The following HRH1 variants were observed in gnomAD, a reference collection of about 807,000 sequenced individuals.
HRH1 encodes histamine H1 receptor.
HRH1 carries 6 observed loss-of-function variants against 10.3 expected under a neutral mutation model. The ratio of observed to expected loss-of-function variants is 0.58; its 90% CI spans 0.32 to 1.15. HRH1 has a LOEUF of 1.15. HRH1 is among the 50% of genes most tolerant of loss of function. The pLI, the probability that HRH1 is intolerant of heterozygous loss-of-function variation, is 0.05. For missense variants in HRH1, 514 were observed against 615.3 expected (o/e 0.84, Z 1.74); for synonymous variants, 242 against 236.7 (o/e 1.02, Z -0.21).
At chr3:11,184,553 A>C (rs904522439) in intron 1 of HRH1, among the ~76,000 whole-genome samples, 4 of 152,150 alleles carry the variant, frequency 2.6e-5, no homozygotes, top group Non-Finnish European at 5.9e-5. Context: ...CATGTCAGGC[A>C]TTATCAGGAG....
At chr3:11,236,754 C>A (rs951363973) in intron 1 of HRH1, among the ~76,000 whole-genome samples, 3 of 152,134 alleles carry the variant, frequency 2.0e-5, no homozygotes, top group African/African-American at 7.2e-5. Flanking sequence ...TATATAAATA[C>A]CCTGGCCCCA....
chr3:11,153,712 C>T (rs1018524230), upstream of HRH1, among the ~76,000 whole-genome samples: 4 of 152,148 alleles, frequency 2.6e-5, no homozygotes, highest in Admixed American at 2.6e-4. Flanking sequence ...CCTCAAGCTC[C>T]CATTGCCAGG....
chr3:11,179,665 C>T (rs1185664959), intron 1 of HRH1, among the ~76,000 whole-genome samples: 3 of 151,582 alleles, frequency 2.0e-5, no homozygotes, highest in Non-Finnish European at 4.4e-5. Context: ...AGGATATCGC[C>T]CTGGAAGTTA....
At chr3:11,198,637 C>T (rs566072494) in intron 1 of HRH1, among the ~76,000 whole-genome samples, 19 of 150,308 alleles carry the variant, frequency 1.3e-4, no homozygotes, top group Non-Finnish European at 2.5e-4. Context: ...TTTGGGAGAC[C>T]AAGGCAGGAG....
intron 1 of HRH1, among the ~76,000 whole-genome samples, chr3:11,196,808 T>C (rs1937668313): frequency 6.6e-6 from 1 of 151,920 alleles, no homozygotes; most frequent in Non-Finnish European, 1.5e-5. Flanking sequence ...CCTGGCAGCT[T>C]GTTAAAAATG....
chr3:11,163,840 C>G (rs1347732220), intron 1 of HRH1, among the ~76,000 whole-genome samples: 1 of 152,160 alleles, frequency 6.6e-6, no homozygotes, highest in Non-Finnish European at 1.5e-5. Flanking sequence ...TCCAGGAAGT[C>G]TTCCCTGAAT....
At chr3:11,224,054 A>G (rs1938800180) in intron 1 of HRH1, among the ~76,000 whole-genome samples, 1 of 152,134 alleles carries the variant, frequency 6.6e-6, no homozygotes, top group Non-Finnish European at 1.5e-5. Flanking sequence ...GATTGAGGCC[A>G]TCTCTCCTGT....
rs545557169 is a variant in HRH1, at chr3:11,246,597, T to A, written c.-35-12406T>A. Reference sequence around the variant, plus strand: ...TGACGAGAACTATCCATTCAAGCTATTTTTTTATTCATTTCACAGTACATT... The same window carrying A: ...TGACGAGAACTATCCATTCAAGCTAATTTTTTATTCATTTCACAGTACATT... On this transcript the variant is annotated intron_variant, in intron 1 of 1. Coordinates refer to ENST00000431010, the MANE Select transcript of HRH1 (RefSeq NM_001098212.2). Among the ~76,000 whole-genome samples, 3 of 152,256 alleles carry A rather than the reference T, an allele frequency of 2.0e-5. No homozygotes were observed. In the East Asian group the frequency reaches 5.8e-4, roughly 30 times the overall value.
chr3:11,259,765 A>G lies in HRH1; in HGVS notation c.728A>G (p.Asn243Ser). The G allele has an allele frequency of 6.2e-7, 1 of 1,613,952 alleles. No individual in the cohort carries two copies. Among genetic ancestry groups the G allele is most frequent in the Non-Finnish European group, 8.5e-7 (1 of 1,180,002 alleles). ...TCAGAAATTAAGCTGAGGCCAGAGA[A>G]CCCCAAGGGGGATGCCAAGAAACCA... ...SFSEIKLRPE[N>S]PKGDAKKPGK... is the part of the protein sequence containing the mutation. The change falls in exon 2 of 2, where the codon AAC becomes AGC. Residue 243 changes from asparagine (N) to serine (S), a missense_variant. Physicochemically the swap from Asn to Ser is conservative, Grantham distance 46 (BLOSUM62 1). Coordinates refer to ENST00000431010, the MANE Select transcript of HRH1 (RefSeq NM_001098212.2). The surrounding 1 kb of genome is among the most constrained non-coding windows in gnomAD (Gnocchi z 4.6).
intron 1 of HRH1, among the ~76,000 whole-genome samples, chr3:11,213,482 A>G (rs1455120735): frequency 1.3e-5 from 2 of 152,234 alleles, no homozygotes; most frequent in Admixed American, 1.3e-4. Flanking sequence ...TATAAAGTAC[A>G]GAAACTCATT....
intron 1 of HRH1, among the ~76,000 whole-genome samples, chr3:11,183,145 A>T (rs564006244): frequency 1.4e-4 from 22 of 152,198 alleles, no homozygotes; most frequent in African/African-American, 5.1e-4. Flanking sequence ...GCCCAGTCCC[A>T]CCTTTTTAAA....
At chr3:11,171,582 A>G (rs6442233) in intron 1 of HRH1, among the ~76,000 whole-genome samples, 26,640 of 152,184 alleles carry the variant, frequency 0.18, 4,145 homozygotes, top group African/African-American at 0.42. Flanking sequence ...AGCTCCCCGC[A>G]TTACAGATTG....
Position 11,254,425 on chromosome 3 carries a change from A to G in HRH1, c.-35-4578A>G, listed in dbSNP as rs1053416744. Among the ~76,000 whole-genome samples, 3 of 152,320 alleles carry G rather than the reference A, an allele frequency of 2.0e-5. No homozygotes were observed. In the South Asian group the frequency reaches 6.2e-4, roughly 32 times the overall value. On this transcript the variant is annotated intron_variant, in intron 1 of 1. Transcript: ENST00000431010. ...GGACTCTGCACTTGCTCTGCACTCAATTGTGTGTCTTACTCACACACTTTC... is the reference window on the plus strand; with the variant it reads ...GGACTCTGCACTTGCTCTGCACTCAGTTGTGTGTCTTACTCACACACTTTC...
At chr3:11,242,686 A>C (rs1379542495) in intron 1 of HRH1, among the ~76,000 whole-genome samples, 4 of 152,114 alleles carry the variant, frequency 2.6e-5, no homozygotes, top group African/African-American at 9.7e-5. Flanking sequence ...GTCTTTGTGC[A>C]TAAATCTTTA....
At chr3:11,257,885 TC>T (rs1031985958) in intron 1 of HRH1, among the ~76,000 whole-genome samples, 19 of 152,140 alleles carry the variant, frequency 1.2e-4, no homozygotes, top group African/African-American at 4.6e-4. Flanking sequence ...CCTCAAGTGA[TC>T]ATTCCACCTT....
chr3:11,224,255 A>G (rs1054102326), intron 1 of HRH1, among the ~76,000 whole-genome samples: 7 of 151,922 alleles, frequency 4.6e-5, no homozygotes, highest in African/African-American at 1.5e-4. Flanking sequence ...AAAGCTCTGC[A>G]TAAATGATCA....
At chr3:11,234,689 C>A in intron 1 of HRH1, 1 of 1,111,260 alleles carries the variant, frequency 9.0e-7, no homozygotes, top group Non-Finnish European at 1.4e-6. Flanking sequence ...ATGGCTGCAG[C>A]CCTGCCCTGA....
At chr3:11,145,433 G>A (rs1936416825) in intron 1 of HRH1, among the ~76,000 whole-genome samples, 1 of 152,080 alleles carries the variant, frequency 6.6e-6, no homozygotes, top group African/African-American at 2.4e-5. Context: ...AACCCTCCTT[G>A]AGTGTCTCTC....
chr3:11,203,916 C>G (rs890876704), intron 1 of HRH1, among the ~76,000 whole-genome samples: 2 of 152,316 alleles, frequency 1.3e-5, no homozygotes, highest in East Asian at 3.9e-4. Context: ...TGCATTAAAT[C>G]TATAAATCAA....
Sources: allele counts gnomAD v4.1 joint callset (sites outside exome capture counted in the v4.1 genomes callset), GRCh38; gene constraint gnomAD v4.1.1; non-coding constraint Gnocchi (gnomAD v3.1); transcripts MANE v1.5; gene names NCBI Gene and HGNC (gene_info 2026-07-23, HGNC 2026-07-21).